TAFA5: variants seen among roughly 807,000 people sequenced by gnomAD.
TAFA5 encodes the protein TAFA chemokine like family member 5, also known as chemokine-like protein TAFA-5.
A neutral mutation model predicts 15.3 loss-of-function variants in TAFA5; 6 were observed. The ratio of observed to expected loss-of-function variants is 0.39; its 90% confidence interval spans 0.21 to 0.77. TAFA5 has a LOEUF of 0.77. TAFA5 is among the 30% of genes least tolerant of loss of function. TAFA5 has a pLI of 0.41. For missense variants in TAFA5, 161 were observed against 193.1 expected, an observed-to-expected ratio of 0.83 and a Z score of 0.98; for synonymous variants, 103 against 80.7, an observed-to-expected ratio of 1.28 and a Z score of -1.48.
intron 3 of TAFA5, among the ~76,000 whole-genome samples, chr22:48,738,313 C>T (rs1352249369): frequency 1.3e-5 from 2 of 152,168 alleles, no homozygotes; most frequent in Non-Finnish European, 2.9e-5. Flanking sequence ...CTTAAAGGTA[C>T]CACTGCGTGG....
intron 1 of TAFA5, among the ~76,000 whole-genome samples, chr22:48,537,105 G>A (rs1403667804): frequency 1.3e-5 from 2 of 152,222 alleles, no homozygotes; most frequent in Non-Finnish European, 2.9e-5. Flanking sequence ...CAGGAATTGG[G>A]GAGGTCCCGC....
intron 1 of TAFA5, among the ~76,000 whole-genome samples, chr22:48,595,288 G>A (rs1569040010): frequency 2.0e-5 from 3 of 152,220 alleles, no homozygotes; most frequent in Non-Finnish European, 2.9e-5. Flanking sequence ...AAACTTCAGG[G>A]AGACATGGTT....
intron 1 of TAFA5, among the ~76,000 whole-genome samples, chr22:48,557,042 G>A (rs1021755770): frequency 6.6e-6 from 1 of 152,204 alleles, no homozygotes; most frequent in Non-Finnish European, 1.5e-5. Context: ...GGCACCCACC[G>A]TTGGGAGGCC....
chr22:48,533,071 A>C (rs1922027318), intron 1 of TAFA5, among the ~76,000 whole-genome samples: 1 of 152,022 alleles, frequency 6.6e-6, no homozygotes, highest in African/African-American at 2.4e-5. Flanking sequence ...GTGCGGGCGG[A>C]GGTTCCCCTG....
At chr22:48,687,140 G>T (rs1366160130) in intron 2 of TAFA5, among the ~76,000 whole-genome samples, 1 of 149,578 alleles carries the variant, frequency 6.7e-6, no homozygotes, top group Non-Finnish European at 1.5e-5. Flanking sequence ...GGATAGATAG[G>T]TGGATGGATG....
At chr22:48,512,573 C>G (rs1371186981) in intron 1 of TAFA5, among the ~76,000 whole-genome samples, 1 of 151,450 alleles carries the variant, frequency 6.6e-6, no homozygotes, top group Non-Finnish European at 1.5e-5. Context: ...ACACCACTGG[C>G]TGAGATCACA....
chr22:48,527,664 G>A (rs1390103219), intron 1 of TAFA5, among the ~76,000 whole-genome samples: 1 of 152,180 alleles, frequency 6.6e-6, no homozygotes, highest in Non-Finnish European at 1.5e-5. Flanking sequence ...GAAGCCCTGT[G>A]GGAAGCCGCA....
intron 1 of TAFA5, among the ~76,000 whole-genome samples, chr22:48,581,563 C>T (rs1383596791): frequency 6.6e-6 from 1 of 152,206 alleles, no homozygotes; most frequent in East Asian, 1.9e-4. Flanking sequence ...ACTGGCGAGG[C>T]CGTGTCCGTG....
At position 48,566,426 on chromosome 22, in the gene TAFA5, G is replaced by A. The variant is rs1923411409; in HGVS notation, c.112+76722G>A. On this transcript the variant is annotated intron_variant, in intron 1 of 3. Coordinates refer to ENST00000402357, the MANE Select transcript of TAFA5 (RefSeq NM_001082967.3). The surrounding 1 kb of genome is among the most constrained non-coding windows in gnomAD (Gnocchi z 4.5). ...GATGGTAGGTGGATGGATGATGAAT[G>A]GTAGATGGGTGATGAATGATTGATT... Among the ~76,000 whole-genome samples, 1 of 151,976 alleles carries A rather than the reference G, an allele frequency of 6.6e-6. No individual in the cohort carries two copies. Among genetic ancestry groups the A allele is most frequent in the Non-Finnish European group, 1.5e-5 (1 of 67,968 alleles).
intron 1 of TAFA5, among the ~76,000 whole-genome samples, chr22:48,582,979 T>A (rs1229188569): frequency 2.6e-5 from 1 of 39,174 alleles, no homozygotes; most frequent in East Asian, 6.8e-4. Context: ...ACACACAAAA[T>A]ACACCACACA....
At chr22:48,658,482 C>T (rs1198943093) in intron 2 of TAFA5, among the ~76,000 whole-genome samples, 3 of 152,234 alleles carry the variant, frequency 2.0e-5, no homozygotes, top group African/African-American at 7.2e-5. Flanking sequence ...AGCCACGCTG[C>T]ATCTTGCGTG....
chr22:48,718,429 C>G (rs1462461143), intron 3 of TAFA5, among the ~76,000 whole-genome samples: 2 of 152,098 alleles, frequency 1.3e-5, no homozygotes, highest in African/African-American at 4.8e-5. Flanking sequence ...AGGGAGGATC[C>G]ACAGTTACCA....
chr22:48,525,895 C>G (rs1388771157), intron 1 of TAFA5, among the ~76,000 whole-genome samples: 4 of 152,208 alleles, frequency 2.6e-5, no homozygotes, highest in African/African-American at 9.6e-5. Context: ...TCCTTACTCT[C>G]CCCACCTGTG....
At chr22:48,508,226 G>A (rs1001530068) in intron 1 of TAFA5, among the ~76,000 whole-genome samples, 13 of 152,290 alleles carry the variant, frequency 8.5e-5, no homozygotes, top group East Asian at 3.9e-4. Context: ...ATGGGCAGCC[G>A]GCAGCTTTAT....
At chr22:48,538,182 G>A (rs979754767) in intron 1 of TAFA5, among the ~76,000 whole-genome samples, 3 of 151,740 alleles carry the variant, frequency 2.0e-5, no homozygotes, top group African/African-American at 7.3e-5. Context: ...CGGGGCTGCA[G>A]AGCCGAAAAT....
chr22:48,734,944 C>T (rs754738958), intron 3 of TAFA5, among the ~76,000 whole-genome samples: 61 of 152,118 alleles, frequency 4.0e-4, no homozygotes, highest in Non-Finnish European at 7.9e-4. Flanking sequence ...CTGAGATGAC[C>T]AGGAGGAAGT....
intron 1 of TAFA5, among the ~76,000 whole-genome samples, chr22:48,630,081 GGGGACGAGCA>G (rs929545671): frequency 7.2e-5 from 11 of 152,212 alleles, no homozygotes; most frequent in African/African-American, 2.7e-4. Flanking sequence ...GGTCGGGGCG[GGGGACGAGCA>G]GGTGGAGTGG....
intron 2 of TAFA5, among the ~76,000 whole-genome samples, chr22:48,683,340 C>T (rs565269166): frequency 1.2e-4 from 18 of 152,198 alleles, no homozygotes; most frequent in Non-Finnish European, 2.5e-4. Context: ...AGCTGGGGGC[C>T]GGTGGTGAGA....
chr22:48,603,164 G>C (rs1035632760), intron 1 of TAFA5, among the ~76,000 whole-genome samples: 4 of 152,224 alleles, frequency 2.6e-5, no homozygotes, highest in Non-Finnish European at 2.9e-5. Context: ...GGGTCGCCCC[G>C]GAAAAATGGG....
Sources: allele counts gnomAD v4.1 joint callset (sites outside exome capture counted in the v4.1 genomes callset), GRCh38; gene constraint gnomAD v4.1.1; non-coding constraint Gnocchi (gnomAD v3.1); transcripts MANE v1.5; gene names NCBI Gene and HGNC (gene_info 2026-07-23, HGNC 2026-07-21).